The following ARHGEF28 variants were observed in gnomAD, a reference collection of about 807,000 sequenced individuals.
ARHGEF28 encodes 190 kDa guanine nucleotide exchange factor.
Under a neutral mutation model 206.6 loss-of-function variants are expected in ARHGEF28, and 152 were observed. That is an observed-to-expected ratio of 0.74 (90% CI 0.64 to 0.84). The LOEUF is 0.84. Ranked by LOEUF, ARHGEF28 falls within the 40% of genes least tolerant of loss-of-function variation. The probability of loss-of-function intolerance (pLI) is 0.00; values close to 1 mark genes in which losing one functional copy is unlikely to be tolerated. For missense variants in ARHGEF28, 2,028 were observed against 2,073.2 expected (o/e 0.98, Z 0.42); for synonymous variants, 763 against 776.4 (o/e 0.98, Z 0.29).
chr5:73,743,413 G>A (rs893174608), intron 2 of ARHGEF28, among the ~76,000 whole-genome samples: 7 of 151,946 alleles, frequency 4.6e-5, no homozygotes, highest in African/African-American at 1.7e-4. Context: ...GTTTTCAGCC[G>A]GACTGTTGGC....
At chr5:73,637,230 A>C (rs6890730) in intron 1 of ARHGEF28, among the ~76,000 whole-genome samples, 14,350 of 152,140 alleles carry the variant, frequency 0.094, 1,090 homozygotes, top group East Asian at 0.33. Flanking sequence ...TTTGATAACT[A>C]TCAGTTTTTA....
At chr5:73,873,392 T>A in intron 22 of ARHGEF28, 146 bp downstream of exon 22, 1 of 1,113,940 alleles carries the variant, frequency 9.0e-7, no homozygotes, top group Non-Finnish European at 1.3e-6. Flanking sequence ...CGTTAGATTG[T>A]AACTCCCAGT....
At chr5:73,863,296 C>T (rs537529162) in intron 16 of ARHGEF28, 1 of 152,062 alleles carries the variant, frequency 6.6e-6, no homozygotes, top group African/African-American at 2.4e-5. Flanking sequence ...TTATAGAATT[C>T]TTGTCTATGG....
chr5:73,872,091 T>A (rs1760140438), intron 21 of ARHGEF28, among the ~76,000 whole-genome samples: 1 of 152,182 alleles, frequency 6.6e-6, no homozygotes, highest in Admixed American at 6.5e-5. Context: ...AGCTATACCA[T>A]TTTGCATTCC....
intron 35 of ARHGEF28, among the ~76,000 whole-genome samples, chr5:73,912,491 G>T (rs1313568454): frequency 6.6e-6 from 1 of 152,142 alleles, no homozygotes; most frequent in African/African-American, 2.4e-5. Flanking sequence ...GAAGGTATTT[G>T]GCTTCTCCCA....
Position 73,712,476 on chromosome 5 carries a change from TCTC to T in ARHGEF28, c.33+27597_33+27599del, listed in dbSNP as rs1198024259. Among the ~76,000 whole-genome samples, 5 of 152,168 alleles carry T rather than the reference TCTC, an allele frequency of 3.3e-5. No homozygotes were observed. The East Asian group carries it at 7.7e-4, about 23-fold the overall frequency. On this transcript the variant is annotated intron_variant, in intron 2 of 35. Coordinates refer to ENST00000513042, the MANE Select transcript of ARHGEF28 (RefSeq NM_001177693.2). ...CCTCTTGGTAGAGTGCATGCTTTCT[TCTC>T]CTCCATAAGTGGCTTGGTACCTACA...
chr5:73,889,563 A>C (rs1257030462), intron 26 of ARHGEF28, among the ~76,000 whole-genome samples: 1 of 152,278 alleles, frequency 6.6e-6, no homozygotes, highest in African/African-American at 2.4e-5. Context: ...TGCAGGCTGA[A>C]GTTCCAAATA....
At chr5:73,813,404 C>T (rs769853078) in intron 9 of ARHGEF28, 12 of 1,240,354 alleles carry the variant, frequency 9.7e-6, no homozygotes, top group Admixed American at 2.9e-5. Context: ...TCGGTCTACA[C>T]GCCTGAATGC....
intron 1 of ARHGEF28, among the ~76,000 whole-genome samples, 166 bp downstream of exon 1, chr5:73,626,488 G>A (rs543305590): frequency 6.6e-6 from 1 of 152,098 alleles, no homozygotes; most frequent in Non-Finnish European, 1.5e-5. Flanking sequence ...CGGCGCGAGG[G>A]CTGGGCGCCG....
At chr5:73,651,950 C>T (rs188861723) in intron 1 of ARHGEF28, among the ~76,000 whole-genome samples, 113 of 152,256 alleles carry the variant, frequency 7.4e-4, no homozygotes, top group African/African-American at 2.3e-3. Context: ...TTGTCATTGA[C>T]CTGTTTGTTT....
At chr5:73,669,494 T>A (rs1436906915) in intron 1 of ARHGEF28, among the ~76,000 whole-genome samples, 2 of 152,180 alleles carry the variant, frequency 1.3e-5, no homozygotes, top group Non-Finnish European at 2.9e-5. Flanking sequence ...AGTCTTAATA[T>A]AACAACCAAT....
rs1166824487 is a variant in ARHGEF28 at position 73,873,111 on chromosome 5, T to C, written c.2679T>C (p.Ile893=). 1.2e-6 allele frequency: 2 copies of C among 1,613,070 alleles called. No individual in the cohort carries two copies. The highest frequency in any genetic ancestry group is 2.2e-5 in the South Asian group (2 of 90,828). The change falls in exon 22 of 36, where the codon ATT becomes ATC. Residue 893 remains isoleucine, a synonymous_variant. Coordinates refer to ENST00000513042, the MANE Select transcript of ARHGEF28 (RefSeq NM_001177693.2). ...TGGACCACAGCACCGTGGATAAAAT[T>C]TTCCCCTGTTTAGATGAGTTGCTTG... ...LQLDHSTVDK[I]FPCLDELLEI... is the part of the protein sequence containing the mutation.
At chr5:73,717,167 A>G (rs925916769) in intron 2 of ARHGEF28, among the ~76,000 whole-genome samples, 9 of 152,154 alleles carry the variant, frequency 5.9e-5, no homozygotes, top group African/African-American at 2.2e-4. Context: ...CCACAGTGAT[A>G]GTTTGTAGCT....
At chr5:73,866,933 C>A (rs1759743838) in intron 18 of ARHGEF28, among the ~76,000 whole-genome samples, 1 of 152,216 alleles carries the variant, frequency 6.6e-6, no homozygotes, top group East Asian at 1.9e-4. Context: ...ATTATGCATG[C>A]AAATTTGTGG....
At chr5:73,811,314 C>T in intron 9 of ARHGEF28, among the ~76,000 whole-genome samples, 1 of 152,328 alleles carries the variant, frequency 6.6e-6, no homozygotes, top group East Asian at 1.9e-4. Context: ...GTCCTTTTTA[C>T]AACTGTTGTG....
At chr5:73,708,650 A>C (rs1749076528) in intron 2 of ARHGEF28, among the ~76,000 whole-genome samples, 1 of 152,158 alleles carries the variant, frequency 6.6e-6, no homozygotes, top group Non-Finnish European at 1.5e-5. Flanking sequence ...TGCTTTGTGA[A>C]TAGTGCTCCA....
At chr5:73,912,955 G>A (rs892451295) in intron 35 of ARHGEF28, among the ~76,000 whole-genome samples, 5 of 152,144 alleles carry the variant, frequency 3.3e-5, no homozygotes, top group Non-Finnish European at 7.4e-5. Flanking sequence ...TTCAGCTTTT[G>A]TTTAAAAGAA....
intron 2 of ARHGEF28, among the ~76,000 whole-genome samples, chr5:73,732,914 T>A (rs1169611722): frequency 2.0e-5 from 3 of 152,238 alleles, no homozygotes; most frequent in African/African-American, 7.2e-5. Context: ...GAGTCCTTTT[T>A]GTGCATAAGA....
chr5:73,653,537 C>A (rs751620162), intron 1 of ARHGEF28, among the ~76,000 whole-genome samples: 70 of 152,280 alleles, frequency 4.6e-4, no homozygotes, highest in South Asian at 1.4e-3. Context: ...AGTGAGGAGA[C>A]CCTTGCTTAT....
Sources: allele counts gnomAD v4.1 joint callset (sites outside exome capture counted in the v4.1 genomes callset), GRCh38; gene constraint gnomAD v4.1.1; transcripts MANE v1.5; gene names NCBI Gene and HGNC (gene_info 2026-07-23, HGNC 2026-07-21).